The following GRM4 variants were observed in gnomAD, a reference collection of about 807,000 sequenced individuals.
The protein encoded by GRM4 is metabotropic glutamate receptor 4.
GRM4 carries 28 observed loss-of-function variants against 81.7 expected under a neutral mutation model. That is an observed-to-expected ratio of 0.34 (90% CI 0.25 to 0.47). The LOEUF is 0.47. GRM4 is among the 20% of genes least tolerant of loss of function. The pLI, the probability that GRM4 is intolerant of heterozygous loss-of-function variation, is 1.00. For synonymous variants in GRM4, 488 were observed against 528.8 expected (o/e 0.92, Z 1.06); for missense variants, 948 against 1,290.0 (o/e 0.73, Z 4.06).
At position 34,133,547 on chromosome 6, in the gene GRM4, C is replaced by T. The variant is rs760526439; in HGVS notation, c.-51G>A. On this transcript the variant is annotated 5_prime_UTR_variant, in exon 2 of 11. Coordinates refer to ENST00000538487, the MANE Select transcript of GRM4 (RefSeq NM_000841.4). The surrounding 1 kb of genome is among the most constrained non-coding windows in gnomAD (Gnocchi z 6.5). ...ACGGCAGGCCCACTCCTAGCCCTGG[C>T]AGGCCCCTGGCCCCACGGCCTGGGT... The T allele has an allele frequency of 1.1e-5, 16 of 1,505,948 alleles. No individual in the cohort carries two copies. Among genetic ancestry groups the T allele is most frequent in the Non-Finnish European group, 1.4e-5 (16 of 1,133,694 alleles). The allele number at this position is 1,505,948 out of a possible 1,614,324, so 93.3% of individuals were successfully genotyped here.
chr6:34,100,834 G>A (rs1768794917), intron 2 of GRM4, among the ~76,000 whole-genome samples: 1 of 152,166 alleles, frequency 6.6e-6, no homozygotes, highest in Non-Finnish European at 1.5e-5. Flanking sequence ...AGACCTACAG[G>A]GTACACATTT....
chr6:34,071,516 C>T (rs573233959), intron 3 of GRM4, among the ~76,000 whole-genome samples: 1,285 of 4,372 alleles, frequency 0.29, 16 homozygotes, highest in Non-Finnish European at 0.41. Flanking sequence ...ACCACACATA[C>T]CCACACATCA....
At chr6:34,100,266 C>G (rs75356096) in intron 2 of GRM4, among the ~76,000 whole-genome samples, 116 of 152,350 alleles carry the variant, frequency 7.6e-4, no homozygotes, top group Non-Finnish European at 1.0e-3. Flanking sequence ...CTCCTCCCCC[C>G]GGTCTGGAGA....
intron 2 of GRM4, among the ~76,000 whole-genome samples, chr6:34,095,900 G>A (rs1346382787): frequency 5.3e-5 from 8 of 152,230 alleles, no homozygotes; most frequent in Admixed American, 3.9e-4. Flanking sequence ...GCAGGTGACT[G>A]TGACAACCTG....
At chr6:34,113,542 CA>C (rs775099858) in intron 2 of GRM4, among the ~76,000 whole-genome samples, 1 of 152,138 alleles carries the variant, frequency 6.6e-6, no homozygotes, top group Non-Finnish European at 1.5e-5. Flanking sequence ...GTTTATCTAG[CA>C]GTAGCTGGAG....
chr6:34,023,405 G>A (rs1445380219), intron 10 of GRM4, among the ~76,000 whole-genome samples: 1 of 152,208 alleles, frequency 6.6e-6, no homozygotes, highest in Non-Finnish European at 1.5e-5. Flanking sequence ...GTGGCCTAAG[G>A]GAAGAGAGTG....
Position 34,133,856 on chromosome 6 carries a change from C to T in GRM4, c.-360G>A, listed in dbSNP as rs1484513703. On this transcript the variant is annotated 5_prime_UTR_variant, in exon 2 of 11. It introduces an in-frame stop codon into an upstream open reading frame of the 5' UTR. Transcript: ENST00000538487. This position sits in a 1 kb window ranked among gnomAD's most constrained non-coding sequence, Gnocchi z 6.5. ...AACAGCTCCAATCCTCTCCTCCTAC[C>T]AACCTTAGAAGGGGAAGAGAGAGAG... 9.4e-7 allele frequency: 1 copy of T among 1,064,524 alleles called. No individual in the cohort carries two copies. The highest frequency in any genetic ancestry group is 5.4e-5 in the Admixed American group (1 of 18,590). 65.9% of individuals were successfully genotyped at this position (1,064,524 alleles called of 1,614,324 possible). A position where few individuals can be genotyped will look rare whatever the true frequency, so the allele number is the denominator to read the frequency against.
rs896162164 is a variant in GRM4, at chr6:34,034,392, C to G, written c.2442+1276G>C. On this transcript the variant is annotated intron_variant, in intron 9 of 10. Coordinates refer to ENST00000538487, the MANE Select transcript of GRM4 (RefSeq NM_000841.4). The surrounding 1 kb of genome is among the most constrained non-coding windows in gnomAD (Gnocchi z 4.0). The stretch of plus-strand genomic sequence containing the variant: ...GTCTCCAGACAGGCCCAGACTCCCC[C>G]ACTCCCCACTGCATCTGCTGGGGAC... 1.6e-4 allele frequency among the ~76,000 whole-genome samples: 25 copies of G among 152,198 alleles called. No individual in the cohort carries two copies. The highest frequency in any genetic ancestry group is 5.1e-4 in the African/African-American group (21 of 41,438).
intron 2 of GRM4, among the ~76,000 whole-genome samples, chr6:34,096,874 C>T (rs1353428822): frequency 6.6e-6 from 1 of 152,332 alleles, no homozygotes; most frequent in Non-Finnish European, 1.5e-5. Context: ...AAGCTGCTTC[C>T]GGACTTAAGC....
chr6:34,040,815 G>T, intron 6 of GRM4, 67 bp from the exon 7 acceptor site: 2 of 1,363,052 alleles, frequency 1.5e-6, no homozygotes, highest in Non-Finnish European at 2.1e-6. Flanking sequence ...TGTCATGGGG[G>T]CCAGACCACC....
At chr6:34,153,919 C>G (rs1481671761) in intron 1 of GRM4, among the ~76,000 whole-genome samples, 1 of 117,574 alleles carries the variant, frequency 8.5e-6, no homozygotes, top group Non-Finnish European at 1.8e-5. Flanking sequence ...GAGTGAGACT[C>G]TGTCTCAAAA....
At chr6:34,097,428 CCTGTGT>C (rs1198870109) in intron 2 of GRM4, among the ~76,000 whole-genome samples, 2 of 55,426 alleles carry the variant, frequency 3.6e-5, no homozygotes, top group African/African-American at 1.5e-4. Context: ...TGTGTGCATG[CCTGTGT>C]GTGTGTGTGT....
Position 34,133,169 on chromosome 6 carries a change from A to T in GRM4, c.328T>A (p.Ser110Thr), listed in dbSNP as rs1266369175. The change falls in exon 2 of 11, where the codon TCC becomes ACC. Residue 110 changes from serine (S) to threonine (T), a missense_variant. Coordinates refer to ENST00000538487, the MANE Select transcript of GRM4 (RefSeq NM_000841.4). This position sits in a 1 kb window ranked among gnomAD's most constrained non-coding sequence, Gnocchi z 6.5. ...TGCTCGAGGGCATGGGTGTCCCTGG[A>T]GCAGGTGTCCAGAATGCGGGCGCCC... ...TLGARILDTC[S>T]RDTHALEQSL... 5 of 1,613,890 alleles carry T rather than the reference A, an allele frequency of 3.1e-6. No individual in the cohort carries two copies. Among genetic ancestry groups the T allele is most frequent in the Non-Finnish European group, 4.2e-6 (5 of 1,179,910 alleles).
At position 34,115,556 on chromosome 6, in the gene GRM4, G is replaced by T. The variant is rs1216455335; in HGVS notation, c.519+17422C>A. ...GGACCTTGGACAGCAGCCTCCAGGG[G>T]TCTGCCCGAAGACACTCGGCAAACC... On this transcript the variant is annotated intron_variant, in intron 2 of 10. Transcript: ENST00000538487. The surrounding 1 kb of genome is among the most constrained non-coding windows in gnomAD (Gnocchi z 4.1). Among the ~76,000 whole-genome samples the T allele has an allele frequency of 3.3e-5, 5 of 152,128 alleles. No individual in the cohort carries two copies. The South Asian group carries it at 6.2e-4, about 19-fold the overall frequency.
chr6:34,106,260 C>T (rs1026428557), intron 2 of GRM4, among the ~76,000 whole-genome samples: 1 of 151,924 alleles, frequency 6.6e-6, no homozygotes, highest in African/African-American at 2.4e-5. Context: ...ACCAAAAATA[C>T]AAAAATTAGC....
At position 34,022,782 on chromosome 6, in the gene GRM4, T is replaced by C. The variant is rs759696820; in HGVS notation, c.*39A>G. ...CTGGCCCGACGCACCTTCCACAGGGTCACGGCTCCTCCTCCTGCTGCTCAG... is the reference window on the plus strand; with the variant it reads ...CTGGCCCGACGCACCTTCCACAGGGCCACGGCTCCTCCTCCTGCTGCTCAG... On this transcript the variant is annotated 3_prime_UTR_variant, in exon 11 of 11. Coordinates refer to ENST00000538487, the MANE Select transcript of GRM4 (RefSeq NM_000841.4). This position sits in a 1 kb window ranked among gnomAD's most constrained non-coding sequence, Gnocchi z 5.6. 1.3e-6 allele frequency: 2 copies of C among 1,584,464 alleles called. No homozygotes were observed. Among genetic ancestry groups the C allele is most frequent in the South Asian group, 2.2e-5 (2 of 90,494 alleles).
At chr6:34,065,402 C>T (rs1766405537) in intron 3 of GRM4, among the ~76,000 whole-genome samples, 1 of 152,114 alleles carries the variant, frequency 6.6e-6, no homozygotes, top group African/African-American at 2.4e-5. Context: ...TGGGTCCATA[C>T]TGAGAGTAGA....
Position 34,084,409 on chromosome 6 carries a change from AG to A in GRM4, c.736+7473del, listed in dbSNP as rs57226681. On this transcript the variant is annotated intron_variant, in intron 3 of 10. Transcript: ENST00000538487. ...TCAGCAGGCGCTGTAGCCCACCTGAAGGGGCTTCCCAGGGAGCCTGGGGGGG... is the reference window on the plus strand; with the variant it reads ...TCAGCAGGCGCTGTAGCCCACCTGAAGGGCTTCCCAGGGAGCCTGGGGGGG... Among the ~76,000 whole-genome samples, 437 of 152,192 alleles carry A rather than the reference AG, an allele frequency of 2.9e-3. 4 individuals carry two copies. The highest frequency in any genetic ancestry group is 4.9e-3 in the Non-Finnish European group (330 of 67,970).
chr6:34,146,014 G>A lies in GRM4; in HGVS notation c.-378C>T. 2.0e-6 allele frequency: 2 copies of A among 985,138 alleles called. No homozygotes were observed. The highest frequency in any genetic ancestry group is 1.7e-5 in the African/African-American group (1 of 57,164). 61.0% of individuals were successfully genotyped at this position (985,138 alleles called of 1,614,324 possible). ...AGCTCACCTACCCCGAGGACATGGCGGGGACCCCTTCTCACCCCAGAGGGG... is the reference window on the plus strand; with the variant it reads ...AGCTCACCTACCCCGAGGACATGGCAGGGACCCCTTCTCACCCCAGAGGGG... On this transcript the variant is annotated 5_prime_UTR_variant, in exon 1 of 11. Transcript: ENST00000538487.
Sources: allele counts gnomAD v4.1 joint callset (sites outside exome capture counted in the v4.1 genomes callset), GRCh38; gene constraint gnomAD v4.1.1; non-coding constraint Gnocchi (gnomAD v3.1); transcripts MANE v1.5; gene names NCBI Gene and HGNC (gene_info 2026-07-23, HGNC 2026-07-21).